KIAA0930: variants seen among roughly 807,000 people sequenced by gnomAD.
The protein encoded by KIAA0930 is uncharacterized protein KIAA0930.
A neutral mutation model predicts 43.9 loss-of-function variants in KIAA0930; 24 were observed. The observed-to-expected ratio is 0.55, with a 90% CI of 0.40 to 0.77. KIAA0930 has a LOEUF of 0.77. Ranked by LOEUF, KIAA0930 falls within the 30% of genes least tolerant of loss-of-function variation. The probability of loss-of-function intolerance (pLI) is 0.00; values close to 1 mark genes in which losing one functional copy is unlikely to be tolerated. For synonymous variants in KIAA0930, 259 were observed against 216.4 expected, an observed-to-expected ratio of 1.20 and a Z score of -1.73; for missense variants, 461 against 574.2, an observed-to-expected ratio of 0.80 and a Z score of 2.02.
intron 2 of KIAA0930, 23 bp from the exon 3 acceptor site, chr22:45,205,935 G>A (rs779075919): frequency 1.2e-6 from 2 of 1,610,540 alleles, no homozygotes; most frequent in African/African-American, 1.3e-5. Flanking sequence ...GAGCAGAAGT[G>A]AGTGCCCAGG....
At chr22:45,207,766 C>G (rs1183346693) in intron 2 of KIAA0930, 3 of 169,542 alleles carry the variant, frequency 1.8e-5, no homozygotes, top group Non-Finnish European at 4.4e-5. Context: ...AAAGGCAGAG[C>G]TGGGATCTAT....
intron 1 of KIAA0930, chr22:45,213,629 A>C (rs369006085): frequency 2.4e-6 from 1 of 415,528 alleles, no homozygotes; most frequent in African/African-American, 2.2e-5. Context: ...GATAAACTTC[A>C]ATTCTTTTTT....
intron 6 of KIAA0930, 26 bp downstream of exon 6, chr22:45,203,819 C>T (rs781001602): frequency 2.5e-6 from 4 of 1,610,808 alleles, no homozygotes; most frequent in Non-Finnish European, 8.5e-7. Context: ...CCCAGAAGAA[C>T]ACCCGTGAGG....
At chr22:45,228,775 C>CACCCGAAAGATCCCTCTCCA (rs1601824851) in intron 1 of KIAA0930, among the ~76,000 whole-genome samples, 58 of 3,640 alleles carry the variant, frequency 0.016, 6 homozygotes, top group East Asian at 0.025. Flanking sequence ...CCCTCCCCAT[C>CACCCGAAAGATCCCTCTCCA]CCCCCCAACC....
At chr22:45,216,398 T>C (rs1412909289) in intron 1 of KIAA0930, among the ~76,000 whole-genome samples, 1 of 152,166 alleles carries the variant, frequency 6.6e-6, no homozygotes, top group Admixed American at 6.5e-5. Context: ...GCTGCTGCAA[T>C]GTGGGCTGCT....
chr22:45,227,407 T>C (rs2083808838), intron 1 of KIAA0930, among the ~76,000 whole-genome samples: 1 of 151,994 alleles, frequency 6.6e-6, no homozygotes, highest in Admixed American at 6.6e-5. Flanking sequence ...CCTCGTACAC[T>C]ATGCCAGGAC....
intron 1 of KIAA0930, among the ~76,000 whole-genome samples, chr22:45,223,317 A>G (rs1250034818): frequency 6.6e-6 from 1 of 152,244 alleles, no homozygotes; most frequent in Non-Finnish European, 1.5e-5. Context: ...TTTTCCTATT[A>G]AAGCCAATCG....
intron 6 of KIAA0930, 45 bp downstream of exon 6, chr22:45,203,800 G>A (rs1021729658): frequency 8.8e-6 from 14 of 1,598,902 alleles, no homozygotes; most frequent in East Asian, 6.8e-5. Flanking sequence ...TGGAGCCGCC[G>A]TCCCCGGGCC....
intron 6 of KIAA0930, among the ~76,000 whole-genome samples, chr22:45,203,501 G>A (rs569708702): frequency 6.6e-6 from 1 of 152,218 alleles, no homozygotes; most frequent in East Asian, 1.9e-4. Context: ...AGTTGGGGGC[G>A]ACTCGGAGCA....
rs1054013104 is a variant in KIAA0930 at position 45,202,229 on chromosome 22, G to C, written c.852+761C>G. Among the ~76,000 whole-genome samples, 7 of 152,238 alleles carry C rather than the reference G, an allele frequency of 4.6e-5. No homozygotes were observed. In the South Asian group the frequency reaches 6.2e-4, roughly 13 times the overall value. On this transcript the variant is annotated intron_variant, in intron 7 of 9. Transcript: ENST00000336156. ...AACTACAGCTCTGGGCAGTCCCTCT[G>C]GAAGAACCAGGTAGAGCAAAGCAGC...
chr22:45,238,897 T>TCTCTCTCTCTCTCTCTCTCACC, intron 1 of KIAA0930, among the ~76,000 whole-genome samples: 1 of 151,626 alleles, frequency 6.6e-6, no homozygotes, highest in African/African-American at 2.4e-5. Context: ...TCTCTCTCTC[T>TCTCTCTCTCTCTCTCTCTCACC]CTCTCACCCT....
At chr22:45,212,562 G>A (rs926930972) in intron 1 of KIAA0930, 63 of 1,393,154 alleles carry the variant, frequency 4.5e-5, no homozygotes, top group Non-Finnish European at 5.6e-5. Context: ...GTCCCAGCGG[G>A]AACCCGACTT....
At chr22:45,230,475 G>A (rs556595358) in intron 1 of KIAA0930, among the ~76,000 whole-genome samples, 1 of 152,208 alleles carries the variant, frequency 6.6e-6, no homozygotes, top group Admixed American at 6.5e-5. Flanking sequence ...TATGTCCGGA[G>A]GAAAAGAGCA....
intron 1 of KIAA0930, among the ~76,000 whole-genome samples, chr22:45,229,357 C>CACCCGAAAGATCCCTCTCCATG (rs2083836679): frequency 6.6e-6 from 1 of 150,404 alleles, no homozygotes; most frequent in Admixed American, 6.6e-5. Flanking sequence ...CCTCTCCACT[C>CACCCGAAAGATCCCTCTCCATG]CCCCATCACC....
Position 45,208,360 on chromosome 22 carries a change from G to A in KIAA0930, c.217-2448C>T, listed in dbSNP as rs575241150. On this transcript the variant is annotated intron_variant, in intron 2 of 9. Coordinates refer to ENST00000336156, the MANE Select transcript of KIAA0930 (RefSeq NM_001009880.2). Reference sequence around the variant, plus strand: ...AGCTGTGAGAACAGGCAGAACCACCGACTCCACATGCACGAGCTGTAAGAA... The same window carrying A: ...AGCTGTGAGAACAGGCAGAACCACCAACTCCACATGCACGAGCTGTAAGAA... 2.5e-3 allele frequency among the ~76,000 whole-genome samples: 310 copies of A among 123,758 alleles called. 12 individuals carry two copies. The highest frequency in any genetic ancestry group is 5.1e-3 in the Admixed American group (64 of 12,662). 81.2% of individuals were successfully genotyped at this position (123,758 alleles called of 152,430 possible). A position where few individuals can be genotyped will look rare whatever the true frequency, so the allele number is the denominator to read the frequency against.
intron 1 of KIAA0930, among the ~76,000 whole-genome samples, chr22:45,221,357 G>C (rs1214181402): frequency 6.6e-6 from 1 of 152,222 alleles, no homozygotes; most frequent in African/African-American, 2.4e-5. Flanking sequence ...GGCATGCCAT[G>C]GCGATATGTA....
chr22:45,239,294 G>A (rs2083903882), intron 1 of KIAA0930, among the ~76,000 whole-genome samples: 1 of 152,268 alleles, frequency 6.6e-6, no homozygotes, highest in Non-Finnish European at 1.5e-5. Context: ...GTGGCACACA[G>A]TAGGTGCTCA....
In KIAA0930 at chr22:45,211,417, C is replaced by T. The variant is rs1334645986; in HGVS notation, c.216+539G>A. 6 of 399,238 alleles carry T rather than the reference C, an allele frequency of 1.5e-5. No homozygotes were observed. The Admixed American group carries it at 2.6e-4, about 18-fold the overall frequency. 24.7% of individuals were successfully genotyped at this position (399,238 alleles called of 1,614,324 possible). On this transcript the variant is annotated intron_variant, in intron 2 of 9. Coordinates refer to ENST00000336156, the MANE Select transcript of KIAA0930 (RefSeq NM_001009880.2). The stretch of plus-strand genomic sequence containing the variant: ...TTAGGCGAATCACTTCATCTCCGAG[C>T]CCTCCGTTTCCTCATCTGTAAAAGG...
intron 1 of KIAA0930, among the ~76,000 whole-genome samples, chr22:45,214,695 G>T (rs750267935): frequency 6.6e-6 from 1 of 152,058 alleles, no homozygotes; most frequent in African/African-American, 2.4e-5. Context: ...GACTGCTTTA[G>T]GCCAGGAGTT....
Sources: allele counts gnomAD v4.1 joint callset (sites outside exome capture counted in the v4.1 genomes callset), GRCh38; gene constraint gnomAD v4.1.1; transcripts MANE v1.5; gene names NCBI Gene and HGNC (gene_info 2026-07-23, HGNC 2026-07-21).